NCOR1: variants seen among roughly 807,000 people sequenced by gnomAD.
The protein encoded by NCOR1 is protein phosphatase 1, regulatory subunit 109.
NCOR1 carries 63 observed loss-of-function variants against 288.1 expected under a neutral mutation model. The observed-to-expected ratio is 0.22, with a 90% CI of 0.18 to 0.27. The LOEUF is 0.27. NCOR1 is among the 10% of genes least tolerant of loss of function. NCOR1 has a pLI of 1.00. For synonymous variants in NCOR1, 1,007 were observed against 1,065.9 expected (o/e 0.94, Z 1.08); for missense variants, 2,397 against 3,019.2 (o/e 0.79, Z 4.83).
chr17:16,166,709 T>C (rs115930538), intron 4 of NCOR1, among the ~76,000 whole-genome samples: 2 of 151,466 alleles, frequency 1.3e-5, no homozygotes, highest in South Asian at 2.1e-4. Context: ...TCAGATTTGG[T>C]GTATAACCAT....
chr17:16,113,445 G>A (rs558927009), intron 18 of NCOR1, among the ~76,000 whole-genome samples: 48 of 152,256 alleles, frequency 3.2e-4, no homozygotes, highest in African/African-American at 9.1e-4. Context: ...CAGATATGTC[G>A]TTGGAAAAGG....
At chr17:16,117,645 A>C (rs1297688819) in intron 18 of NCOR1, among the ~76,000 whole-genome samples, 1 of 152,110 alleles carries the variant, frequency 6.6e-6, no homozygotes, top group Non-Finnish European at 1.5e-5. Flanking sequence ...CAACATGGTG[A>C]AACACTGTCT....
chr17:16,080,278 G>A (rs1364151935), intron 25 of NCOR1, 130 bp downstream of exon 25: 21 of 922,332 alleles, frequency 2.3e-5, no homozygotes, highest in Non-Finnish European at 2.4e-5. Flanking sequence ...ACTTTTACAT[G>A]GAAAGAAAAC....
intron 11 of NCOR1, among the ~76,000 whole-genome samples, chr17:16,141,614 T>C (rs569372485): frequency 6.6e-6 from 1 of 152,274 alleles, no homozygotes; most frequent in African/African-American, 2.4e-5. Flanking sequence ...CTACAACATA[T>C]ATCAACACAA....
chr17:16,072,602 T>C (rs1343438427), intron 28 of NCOR1, among the ~76,000 whole-genome samples: 1 of 152,098 alleles, frequency 6.6e-6, no homozygotes, highest in South Asian at 2.1e-4. Context: ...ACCATAAAAA[T>C]AGGGAAAATG....
chr17:16,067,076 A>G (rs1483292150), intron 32 of NCOR1, among the ~76,000 whole-genome samples: 2 of 152,140 alleles, frequency 1.3e-5, no homozygotes, highest in Non-Finnish European at 2.9e-5. Flanking sequence ...CCTGCAGATT[A>G]TAACAGCCCA....
intron 13 of NCOR1, 78 bp downstream of exon 13, chr17:16,138,080 T>G: frequency 8.5e-7 from 1 of 1,173,002 alleles, no homozygotes. Context: ...TAACTACTTA[T>G]ATGTGTCAGA....
chr17:16,172,126 C>G, intron 3 of NCOR1, 131 bp from the exon 4 acceptor site: 1 of 643,954 alleles, frequency 1.6e-6, no homozygotes, highest in Non-Finnish European at 2.5e-6. Context: ...ATCCGTACCC[C>G]TTCTGTTCCC....
At chr17:16,107,192 G>A (rs1489348755) in intron 19 of NCOR1, among the ~76,000 whole-genome samples, 3 of 151,998 alleles carry the variant, frequency 2.0e-5, no homozygotes, top group Non-Finnish European at 2.9e-5. Context: ...ACTGCGCCCG[G>A]CCCAGATAGA....
chr17:16,157,939 A>G (rs1389364647), intron 6 of NCOR1, among the ~76,000 whole-genome samples: 2 of 152,104 alleles, frequency 1.3e-5, no homozygotes, highest in African/African-American at 4.8e-5. Flanking sequence ...TAAAAAAGCA[A>G]AGTCTACCTA....
chr17:16,044,885 T>C, intron 42 of NCOR1: 1 of 749,764 alleles, frequency 1.3e-6, no homozygotes, highest in Non-Finnish European at 2.3e-6. Flanking sequence ...CTGCTCCAGC[T>C]GAGAAGAAAG....
chr17:16,071,713 A>G (rs1376851590), intron 29 of NCOR1, 48 bp from the exon 30 acceptor site: 1 of 1,551,108 alleles, frequency 6.4e-7, no homozygotes, highest in Admixed American at 1.8e-5. Context: ...ATGGTTGCAC[A>G]ACAATGCCAC....
At chr17:16,199,216 A>AAAAC (rs1337668798) in intron 1 of NCOR1, among the ~76,000 whole-genome samples, 6,124 of 122,044 alleles carry the variant, frequency 0.05, 233 homozygotes, top group Non-Finnish European at 0.065. Flanking sequence ...AAAAAAAAAA[A>AAAAC]ACACACACAC....
At chr17:16,120,885 T>TGTTCTTTTTCAAAAA in intron 16 of NCOR1, among the ~76,000 whole-genome samples, 167 bp downstream of exon 16, 1 of 152,340 alleles carries the variant, frequency 6.6e-6, no homozygotes, top group Non-Finnish European at 1.5e-5. Context: ...GACTGGGTGA[T>TGTTCTTTTTCAAAAA]GTTCTTTTTC....
chr17:16,193,914 T>G (rs2089185595), intron 2 of NCOR1, among the ~76,000 whole-genome samples: 1 of 152,094 alleles, frequency 6.6e-6, no homozygotes, highest in African/African-American at 2.4e-5. Flanking sequence ...TCTTTAAACC[T>G]CTTACACCCA....
At chr17:16,146,888 A>T (rs2078070390) in intron 9 of NCOR1, among the ~76,000 whole-genome samples, 1 of 152,238 alleles carries the variant, frequency 6.6e-6, no homozygotes, top group African/African-American at 2.4e-5. Flanking sequence ...TGGAAAATTA[A>T]AAATACAAAC....
intron 20 of NCOR1, among the ~76,000 whole-genome samples, chr17:16,099,224 T>C (rs138070244): frequency 2.6e-5 from 4 of 152,282 alleles, no homozygotes; most frequent in African/African-American, 9.6e-5. Context: ...CCGGCTGATG[T>C]TGCCCATACC....
In NCOR1 at chr17:16,106,336, A is replaced by G. The variant is rs1025497207; in HGVS notation, c.2182+2450T>C. Among the ~76,000 whole-genome samples the G allele has an allele frequency of 3.5e-4, 53 of 151,966 alleles. 1 individual carries two copies. Among genetic ancestry groups the G allele is most frequent in the Non-Finnish European group, 6.9e-4 (47 of 67,988 alleles). On this transcript the variant is annotated intron_variant, in intron 19 of 45. Coordinates refer to ENST00000268712, the MANE Select transcript of NCOR1 (RefSeq NM_006311.4). The stretch of plus-strand genomic sequence containing the variant: ...ATCATTTGACATAAGCACTTTTCCA[A>G]TTTTCTTCTTCCAAGCCACAAAAGA...
At chr17:16,191,742 G>A (rs2088386522) in intron 2 of NCOR1, 1 of 152,096 alleles carries the variant, frequency 6.6e-6, no homozygotes, top group African/African-American at 2.4e-5. Flanking sequence ...GCCCCAAACT[G>A]CTCAAATTTT....
Sources: allele counts gnomAD v4.1 joint callset (sites outside exome capture counted in the v4.1 genomes callset), GRCh38; gene constraint gnomAD v4.1.1; transcripts MANE v1.5; gene names NCBI Gene and HGNC (gene_info 2026-07-23, HGNC 2026-07-21).